Variants in PXK observed in about 807,000 individuals in gnomAD.
The protein encoded by PXK is PX domain containing serine/threonine kinase like.
PXK carries 35 observed loss-of-function variants against 84.7 expected under a neutral mutation model. The observed-to-expected ratio is 0.41, with a 90% CI of 0.32 to 0.55. The LOEUF (loss-of-function observed/expected upper bound fraction) is 0.55, where lower values mean the gene tolerates loss of function less well. Among genes scored for constraint, PXK ranks in the 20% least tolerant of loss-of-function variants. The pLI is 0.21. For synonymous variants in PXK, 253 were observed against 260.8 expected (o/e 0.97, Z 0.29); for missense variants, 634 against 699.7 (o/e 0.91, Z 1.06).
In PXK at chr3:58,365,936, T is replaced by A; in HGVS notation, c.153+12T>A. The A allele has an allele frequency of 6.8e-7, 1 of 1,473,150 alleles. No homozygotes were observed. The highest frequency in any genetic ancestry group is 9.2e-7 in the Non-Finnish European group (1 of 1,089,422). The allele number at this position is 1,473,150 out of a possible 1,614,324, so 91.3% of individuals were successfully genotyped here. On this transcript the variant is annotated intron_variant, in intron 2 of 17. Coordinates refer to ENST00000356151, the MANE Select transcript of PXK (RefSeq NM_017771.5). ...AAAACAGCTGGCAGGTAAGCATCTT[T>A]TTTTTTTTTTTTGTCAATTAGAAAA...
intron 4 of PXK, 90 bp downstream of exon 4, chr3:58,382,790 C>A: frequency 1.0e-6 from 1 of 998,650 alleles, no homozygotes; most frequent in Non-Finnish European, 1.4e-6. Flanking sequence ...AATGTTTTCT[C>A]AAAATGGGGA....
intron 17 of PXK, among the ~76,000 whole-genome samples, chr3:58,418,306 A>ACT: frequency 6.6e-6 from 1 of 152,196 alleles, no homozygotes; most frequent in Middle Eastern, 3.4e-3. Flanking sequence ...GTGTGAGTGG[A>ACT]CTCCAGCTTA....
Position 58,366,997 on chromosome 3 carries a change from G to C in PXK, c.153+1073G>C, listed in dbSNP as rs79311229. On this transcript the variant is annotated intron_variant, in intron 2 of 17. Transcript: ENST00000356151. ...TATTTGGCAAACAGGGCCAACAGCA[G>C]TGTCCTACCAGAAAGATCAACCCTT... 6.8e-3 allele frequency among the ~76,000 whole-genome samples: 1,037 copies of C among 152,280 alleles called. 10 individuals carry two copies. The highest frequency in any genetic ancestry group is 0.024 in the African/African-American group (993 of 41,538).
chr3:58,389,256 T>C (rs2098598497), intron 4 of PXK, among the ~76,000 whole-genome samples: 1 of 152,122 alleles, frequency 6.6e-6, no homozygotes, highest in African/African-American at 2.4e-5. Flanking sequence ...TTCTAGTATA[T>C]ATTTAAGGCT....
At chr3:58,345,700 C>T (rs1485444765) in intron 1 of PXK, among the ~76,000 whole-genome samples, 1 of 152,196 alleles carries the variant, frequency 6.6e-6, no homozygotes, top group African/African-American at 2.4e-5. Flanking sequence ...CTCATGACTT[C>T]CACAACTCAT....
At chr3:58,375,012 A>T (rs1022477840) in intron 3 of PXK, among the ~76,000 whole-genome samples, 10 of 150,354 alleles carry the variant, frequency 6.7e-5, no homozygotes, top group African/African-American at 1.9e-4. Context: ...GAAAGAACTG[A>T]TGGGATGTCT....
Position 58,412,239 on chromosome 3 carries a change from C to T in PXK, c.1466-662C>T, listed in dbSNP as rs897559846. 2.6e-5 allele frequency among the ~76,000 whole-genome samples: 4 copies of T among 151,920 alleles called. No individual in the cohort carries two copies. Among genetic ancestry groups the T allele is most frequent in the African/African-American group, 7.3e-5 (3 of 41,344 alleles). Reference sequence around the variant, plus strand: ...GCTCAGGAAGATATTTTCTAGGGATCGCCAAGTAATGGGGAGATGCTGAGA... The same window carrying T: ...GCTCAGGAAGATATTTTCTAGGGATTGCCAAGTAATGGGGAGATGCTGAGA... On this transcript the variant is annotated intron_variant, in intron 16 of 17. Coordinates refer to ENST00000356151, the MANE Select transcript of PXK (RefSeq NM_017771.5). The surrounding 1 kb of genome is among the most constrained non-coding windows in gnomAD (Gnocchi z 6.2).
At position 58,370,469 on chromosome 3, in the gene PXK, C is replaced by T. The variant is rs566001773; in HGVS notation, c.201+991C>T. On this transcript the variant is annotated intron_variant, in intron 3 of 17. Coordinates refer to ENST00000356151, the MANE Select transcript of PXK (RefSeq NM_017771.5). This position sits in a 1 kb window ranked among gnomAD's most constrained non-coding sequence, Gnocchi z 4.2. Reference sequence around the variant, plus strand: ...TATTGTGCTCTTGTGTGTCATACTTCAGGTTTGATTGGTAACATAAAACCC... The same window carrying T: ...TATTGTGCTCTTGTGTGTCATACTTTAGGTTTGATTGGTAACATAAAACCC... 2.0e-5 allele frequency among the ~76,000 whole-genome samples: 3 copies of T among 152,282 alleles called. No homozygotes were observed. Among genetic ancestry groups the T allele is most frequent in the African/African-American group, 4.8e-5 (2 of 41,550 alleles).
At chr3:58,386,898 A>G (rs1223323394) in intron 4 of PXK, among the ~76,000 whole-genome samples, 1 of 152,236 alleles carries the variant, frequency 6.6e-6, no homozygotes, top group African/African-American at 2.4e-5. Context: ...TTGAAAAGGT[A>G]GGAAAGTAGT....
chr3:58,345,094 A>G (rs2097792599), intron 1 of PXK, among the ~76,000 whole-genome samples: 1 of 152,198 alleles, frequency 6.6e-6, no homozygotes, highest in Admixed American at 6.5e-5. Flanking sequence ...TGAAGCAGGG[A>G]GCTGACATCC....
rs71962245 is a variant in PXK, at chr3:58,421,370, CAGG to C, written c.1529-3379_1529-3377del. On this transcript the variant is annotated intron_variant, in intron 17 of 17. Transcript: ENST00000356151. The surrounding 1 kb of genome is among the most constrained non-coding windows in gnomAD (Gnocchi z 5.5). ...GCTGAGGCGGGCGGATCACAAGGAT[CAGG>C]AGTTCAAGACCAACCTGGCCAACAT... The C allele has an allele frequency of 0.095, 91,048 of 955,040 alleles. 5,538 individuals carry two copies. The highest frequency in any genetic ancestry group is 0.28 in the African/African-American group (15,757 of 56,444). 59.2% of individuals were successfully genotyped at this position (955,040 alleles called of 1,614,324 possible).
intron 17 of PXK, chr3:58,423,022 G>C (rs2062163731): frequency 1.3e-5 from 13 of 985,370 alleles, no homozygotes; most frequent in Non-Finnish European, 1.6e-5. Context: ...GCTGGGGAAG[G>C]GCACTGGCAC....
Position 58,364,858 on chromosome 3 carries a change from T to A in PXK, c.103-1016T>A, listed in dbSNP as rs1266690415. Among the ~76,000 whole-genome samples the A allele has an allele frequency of 7.2e-5, 11 of 152,220 alleles. No homozygotes were observed. The highest frequency in any genetic ancestry group is 1.5e-5 in the Non-Finnish European group (1 of 68,044). On this transcript the variant is annotated intron_variant, in intron 1 of 17. Coordinates refer to ENST00000356151, the MANE Select transcript of PXK (RefSeq NM_017771.5). The surrounding 1 kb of genome is among the most constrained non-coding windows in gnomAD (Gnocchi z 4.3). ...CGTTCACAGCATTCCCTTATCCATTTGATATCTGCACAGTCTGTAGTGGTA... is the reference window on the plus strand; with the variant it reads ...CGTTCACAGCATTCCCTTATCCATTAGATATCTGCACAGTCTGTAGTGGTA...
rs143273057 is a variant in PXK at position 58,424,878 on chromosome 3, T to C, written c.1655T>C (p.Leu552Ser). The change falls in exon 18 of 18, where the codon TTG becomes TCG. Residue 552 changes from leucine to serine, a missense_variant. Physicochemically the swap from Leu to Ser is moderately radical, Grantham distance 145. Transcript: ENST00000356151. ...QAVNGMSRGA[L>S]LSSIQNFQKG... is the part of the protein sequence containing the mutation. ...GTGAATGGCATGAGCCGAGGGGCCT[T>C]GCTCAGCTCCATCCAGAATTTCCAA... The C allele has an allele frequency of 1.4e-5, 23 of 1,614,132 alleles. No homozygotes were observed. The highest frequency in any genetic ancestry group is 2.7e-5 in the African/African-American group (2 of 74,942).
chr3:58,348,768 A>G (rs77976273), intron 1 of PXK, among the ~76,000 whole-genome samples: 6 of 151,204 alleles, frequency 4.0e-5, no homozygotes, highest in African/African-American at 1.5e-4. Context: ...AAAAAAAAAA[A>G]GTCAGGTGTG....
In PXK at chr3:58,401,345, G is replaced by A. The variant is rs1429785531; in HGVS notation, c.1181+1968G>A. 1.3e-5 allele frequency among the ~76,000 whole-genome samples: 2 copies of A among 152,128 alleles called. No individual in the cohort carries two copies. Among genetic ancestry groups the A allele is most frequent in the Non-Finnish European group, 2.9e-5 (2 of 68,032 alleles). On this transcript the variant is annotated intron_variant, in intron 12 of 17. Transcript: ENST00000356151. The surrounding 1 kb of genome is among the most constrained non-coding windows in gnomAD (Gnocchi z 4.4). Reference sequence around the variant, plus strand: ...AAAGAGTAATATAGCTGGGCGCGGTGGCTCACACCTATAATCCCAGCAGTT... The same window carrying A: ...AAAGAGTAATATAGCTGGGCGCGGTAGCTCACACCTATAATCCCAGCAGTT...
At chr3:58,406,573 A>C (rs546116247) in intron 13 of PXK, among the ~76,000 whole-genome samples, 2 of 152,270 alleles carry the variant, frequency 1.3e-5, no homozygotes, top group East Asian at 1.9e-4. Flanking sequence ...TAATTTTTAA[A>C]TTTTTAATTG....
rs1163126228 is a variant in PXK, at chr3:58,412,756, G to GT, written c.1466-139dup. 3.6e-5 allele frequency: 29 copies of GT among 800,196 alleles called. No individual in the cohort carries two copies. The highest frequency in any genetic ancestry group is 2.5e-4 in the Middle Eastern group (1 of 3,924). 49.6% of individuals were successfully genotyped at this position (800,196 alleles called of 1,614,324 possible). A position where few individuals can be genotyped will look rare whatever the true frequency, so the allele number is the denominator to read the frequency against. ...GCCTGTCACTGGGTCCGGTCTCTGA[G>GT]TTTTTTGTCCCTCATCATCTTGTTT... On this transcript the variant is annotated intron_variant, in intron 16 of 17. Transcript: ENST00000356151. The surrounding 1 kb of genome is among the most constrained non-coding windows in gnomAD (Gnocchi z 6.2).
At chr3:58,343,492 T>G (rs887526735) in intron 1 of PXK, among the ~76,000 whole-genome samples, 8 of 152,186 alleles carry the variant, frequency 5.3e-5, no homozygotes, top group Non-Finnish European at 1.0e-4. Context: ...CTCCCACTCT[T>G]TGGTGAGTGT....
Sources: allele counts gnomAD v4.1 joint callset (sites outside exome capture counted in the v4.1 genomes callset), GRCh38; gene constraint gnomAD v4.1.1; non-coding constraint Gnocchi (gnomAD v3.1); transcripts MANE v1.5; gene names NCBI Gene and HGNC (gene_info 2026-07-23, HGNC 2026-07-21).